The following ZC3H4 variants were observed in gnomAD, a reference collection of about 807,000 sequenced individuals.
ZC3H4 encodes zinc finger CCCH domain-containing protein 4.
In ZC3H4, 13 loss-of-function variants were observed where a neutral mutation model predicts 108.3. The observed-to-expected ratio is 0.12, with a 90% CI of 0.08 to 0.19. The LOEUF is 0.19. Among genes scored for constraint, ZC3H4 ranks in the 10% least tolerant of loss-of-function variants. The pLI, the probability that ZC3H4 is intolerant of heterozygous loss-of-function variation, is 1.00. For missense variants in ZC3H4, 1,734 were observed against 1,838.8 expected (o/e 0.94, Z 1.04); for synonymous variants, 917 against 749.6 (o/e 1.22, Z -3.65).
At chr19:47,105,916 C>T (rs2057962557) in intron 2 of ZC3H4, among the ~76,000 whole-genome samples, 2 of 152,216 alleles carry the variant, frequency 1.3e-5, no homozygotes, top group African/African-American at 4.8e-5. Flanking sequence ...ACCAGATCCA[C>T]CACAGTATAA....
chr19:47,112,206 C>A, intron 2 of ZC3H4: 2 of 1,203,388 alleles, frequency 1.7e-6, no homozygotes, highest in Non-Finnish European at 2.1e-6. Flanking sequence ...AGCGGGCGAG[C>A]GCCGCGAGGG....
chr19:47,071,539 C>T (rs1020413779), intron 13 of ZC3H4, among the ~76,000 whole-genome samples: 2 of 152,178 alleles, frequency 1.3e-5, no homozygotes, highest in African/African-American at 2.4e-5. Flanking sequence ...CTTCCGATTC[C>T]AGGCACAGCT....
rs2057220204 is a variant in ZC3H4 at position 47,067,044 on chromosome 19, T to C, written c.3224A>G (p.Lys1075Arg). Residue 1075 changes from lysine (K) to arginine (R), a missense_variant, in exon 15 of 15, where the codon AAG (lysine) becomes AGG (arginine). Transcript: ENST00000253048. The surrounding 1 kb of genome is among the most constrained non-coding windows in gnomAD (Gnocchi z 6.4). Reference sequence around the variant, plus strand: ...CTGCAGCCGAGGGTCGGTGGGGGCCTTCCGCACCCGGGGGTCACTGGGTTT... The same window carrying C: ...CTGCAGCCGAGGGTCGGTGGGGGCCCTCCGCACCCGGGGGTCACTGGGTTT... Reference protein sequence around the residue: ...SDKPSDPRVRKAPTDPRLQKP... With the variant: ...SDKPSDPRVRRAPTDPRLQKP... 6.2e-7 allele frequency: 1 copy of C among 1,604,738 alleles called. No homozygotes were observed. The highest frequency in any genetic ancestry group is 1.7e-5 in the Admixed American group (1 of 59,014).
At position 47,094,450 on chromosome 19, in the gene ZC3H4, C is replaced by T; in HGVS notation, c.320G>A (p.Arg107Gln). The stretch of plus-strand genomic sequence containing the variant: ...TTTCTCTTTCTCCCGCTCTTTCTTC[C>T]GTTTCCGCTTCAGTCTCCTGTGGGA... ...EKSHRRLKRKRKKEREKEKRR... is the reference protein window; with the variant it reads ...EKSHRRLKRKQKKEREKEKRR... Residue 107 changes from arginine (R) to glutamine (Q), a missense_variant, in exon 3 of 15, where the codon CGG (arginine) becomes CAG (glutamine). Arg to Gln is a conservative substitution (Grantham distance 43). Transcript: ENST00000253048. 1 of 1,614,180 alleles carries T rather than the reference C, an allele frequency of 6.2e-7. No homozygotes were observed. Among genetic ancestry groups the T allele is most frequent in the Non-Finnish European group, 8.5e-7 (1 of 1,180,034 alleles).
intron 2 of ZC3H4, among the ~76,000 whole-genome samples, chr19:47,095,953 C>T (rs1192799928): frequency 3.9e-5 from 6 of 152,238 alleles, no homozygotes; most frequent in East Asian, 1.9e-4. Context: ...CGGAAAGGCC[C>T]GCAGCTGCCC....
chr19:47,077,839 A>G (rs1378787249), intron 11 of ZC3H4, among the ~76,000 whole-genome samples: 34 of 151,488 alleles, frequency 2.2e-4, no homozygotes, highest in Admixed American at 2.1e-3. Flanking sequence ...CCTGGGCAAC[A>G]AGAGCAAAAC....
In ZC3H4 at chr19:47,086,499, C is replaced by A; in HGVS notation, c.755G>T (p.Ser252Ile). The A allele has an allele frequency of 1.9e-6, 3 of 1,606,892 alleles. No homozygotes were observed. The highest frequency in any genetic ancestry group is 1.7e-6 in the Non-Finnish European group (2 of 1,178,992). ...GRGRGYRGRG[S>I]RGGSRGRGMG... ...GCCGCGGCCTCGCGATCCTCCACGG[C>A]TTCCTCGGCCCCTGTAGCCCCGGCC... Residue 252 changes from serine to isoleucine, a missense_variant, in exon 6 of 15, where the codon AGC (serine) becomes ATC (isoleucine). Coordinates refer to ENST00000253048, the MANE Select transcript of ZC3H4 (RefSeq NM_015168.2).
intron 13 of ZC3H4, among the ~76,000 whole-genome samples, chr19:47,071,218 A>G (rs1019885229): frequency 2.0e-5 from 3 of 152,150 alleles, no homozygotes; most frequent in Non-Finnish European, 2.9e-5. Flanking sequence ...CAACTGAGCG[A>G]GGACAGTGGT....
chr19:47,086,655 C>T (rs1479901917), intron 5 of ZC3H4, 117 bp from the exon 6 acceptor site: 2 of 1,339,158 alleles, frequency 1.5e-6, no homozygotes, highest in South Asian at 1.7e-5. Context: ...TCCTCCTTCT[C>T]CTCCTCCTCC....
chr19:47,066,536 CTGGGG>C lies in ZC3H4; in HGVS notation c.3727_3731del (p.Pro1243AlafsTer37). 1 of 1,559,838 alleles carries C rather than the reference CTGGGG, an allele frequency of 6.4e-7. No homozygotes were observed. Among genetic ancestry groups the C allele is most frequent in the Non-Finnish European group, 8.7e-7 (1 of 1,152,520 alleles). ...GCACGGGCAGGTTGTGCACCCCGGG[CTGGGG>C]TGGGGCACCCTCGGGGGGTGGGGTG... On this transcript the variant is annotated frameshift_variant, in exon 15 of 15. Transcript: ENST00000253048. LOFTEE classifies it high-confidence loss of function.
chr19:47,077,765 G>C (rs945450696), intron 11 of ZC3H4, among the ~76,000 whole-genome samples: 2 of 151,768 alleles, frequency 1.3e-5, no homozygotes, highest in Non-Finnish European at 2.9e-5. Context: ...GCTGAGGCAG[G>C]AGAATCGCTT....
At chr19:47,092,808 C>T (rs1225829468) in intron 4 of ZC3H4, among the ~76,000 whole-genome samples, 8 of 145,022 alleles carry the variant, frequency 5.5e-5, no homozygotes, top group African/African-American at 1.5e-4. Flanking sequence ...CAGAGCAAGA[C>T]TCCGTCTCAA....
At chr19:47,096,524 G>A (rs777419012) in intron 2 of ZC3H4, among the ~76,000 whole-genome samples, 10 of 152,348 alleles carry the variant, frequency 6.6e-5, no homozygotes, top group South Asian at 2.1e-4. Flanking sequence ...CAAACTGCCC[G>A]CCGCCAGGAG....
At chr19:47,078,491 A>C (rs1053741845) in intron 11 of ZC3H4, among the ~76,000 whole-genome samples, 1 of 149,820 alleles carries the variant, frequency 6.7e-6, no homozygotes, top group Non-Finnish European at 1.5e-5. Flanking sequence ...TTCAAAAAAA[A>C]CAAAAAATTA....
At chr19:47,096,775 G>A in intron 2 of ZC3H4, 1 of 984,010 alleles carries the variant, frequency 1.0e-6, no homozygotes, top group Non-Finnish European at 1.2e-6. Flanking sequence ...TATTTTAAAT[G>A]CCATATCTGT....
In ZC3H4 at chr19:47,067,053, C is replaced by A; in HGVS notation, c.3215G>T (p.Arg1072Leu). ...PGSSDKPSDPRVRKAPTDPRL... is the reference protein window; with the variant it reads ...PGSSDKPSDPLVRKAPTDPRL... ...AGGGTCGGTGGGGGCCTTCCGCACC[C>A]GGGGGTCACTGGGTTTGTCGCTGGA... The change falls in exon 15 of 15, where the codon CGG (arginine) becomes CTG (leucine). Residue 1072 changes from arginine (R) to leucine (L), a missense_variant. Arg to Leu is a moderately radical substitution (Grantham distance 102). This residue lies in a region of ZC3H4 where 518 missense variants were observed against 499.6 expected (regional missense o/e 1.04). Coordinates refer to ENST00000253048, the MANE Select transcript of ZC3H4 (RefSeq NM_015168.2). This position sits in a 1 kb window ranked among gnomAD's most constrained non-coding sequence, Gnocchi z 6.4. 3 of 1,607,080 alleles carry A rather than the reference C, an allele frequency of 1.9e-6. No individual in the cohort carries two copies. The highest frequency in any genetic ancestry group is 8.5e-7 in the Non-Finnish European group (1 of 1,176,910).
rs2058052111 is a variant in ZC3H4 at position 47,112,410 on chromosome 19, A to C, written c.161+14T>G. On this transcript the variant is annotated intron_variant, in intron 2 of 14. Coordinates refer to ENST00000253048, the MANE Select transcript of ZC3H4 (RefSeq NM_015168.2). ...CCCCCGGGGACGCAGCCCCGGCCCAACCGGGGGCCTGACCTGTCGTCAGGG... is the reference window on the plus strand; with the variant it reads ...CCCCCGGGGACGCAGCCCCGGCCCACCCGGGGGCCTGACCTGTCGTCAGGG... 4.1e-6 allele frequency: 5 copies of C among 1,231,544 alleles called. No individual in the cohort carries two copies. The highest frequency in any genetic ancestry group is 3.2e-5 in the East Asian group (1 of 31,486). 76.3% of individuals were successfully genotyped at this position (1,231,544 alleles called of 1,614,324 possible). A position where few individuals can be genotyped will look rare whatever the true frequency, so the allele number is the denominator to read the frequency against.
intron 1 of ZC3H4, 100 bp from the exon 2 acceptor site, chr19:47,112,689 T>C (rs1197401923): frequency 4.4e-6 from 3 of 684,160 alleles, no homozygotes; most frequent in African/African-American, 3.7e-5. Flanking sequence ...GAATGGGGTA[T>C]ATATTTTTTC....
At position 47,086,537 on chromosome 19, in the gene ZC3H4, G is replaced by A; in HGVS notation, c.717C>T (p.Gly239=). ...RAKEGSSRGR[G]SRGRGRGYRG... ...TGTAGCCCCGGCCCCGGCCTCGGCT[G>A]CCTGCATGGAGATTCAGATAGTGAG... Residue 239 remains glycine (G), a splice_region_variant and synonymous_variant, in exon 6 of 15, where the codon GGC becomes GGT. Coordinates refer to ENST00000253048, the MANE Select transcript of ZC3H4 (RefSeq NM_015168.2). 1 of 1,584,238 alleles carries A rather than the reference G, an allele frequency of 6.3e-7. No homozygotes were observed. Among genetic ancestry groups the A allele is most frequent in the Non-Finnish European group, 8.5e-7 (1 of 1,172,512 alleles).
Sources: gnomAD v4.1 joint callset for allele counts (sites outside exome capture counted in the v4.1 genomes callset) on GRCh38, gnomAD v4.1.1 for gene constraint, gnomAD v4.1.1 regional missense constraint, Gnocchi (gnomAD v3.1) non-coding constraint, MANE v1.5 for transcripts, NCBI Gene and HGNC (gene_info 2026-07-23, HGNC 2026-07-21) for gene names.